Variants in DCC observed in about 807,000 individuals in gnomAD.
DCC encodes netrin receptor DCC.
A neutral mutation model predicts 172.5 loss-of-function variants in DCC; 58 were observed. The ratio of observed to expected loss-of-function variants is 0.34; its 90% confidence interval spans 0.27 to 0.42. The LOEUF (loss-of-function observed/expected upper bound fraction) is 0.42, where lower values mean the gene tolerates loss of function less well. Among genes scored for constraint, DCC ranks in the 10% least tolerant of loss-of-function variants. The pLI is 1.00. For synonymous variants in DCC, 709 were observed against 644.5 expected (o/e 1.10, Z -1.52); for missense variants, 1,740 against 1,791.0 (o/e 0.97, Z 0.51).
At chr18:52,646,335 C>A (rs1037276418) in intron 1 of DCC, among the ~76,000 whole-genome samples, 4 of 152,172 alleles carry the variant, frequency 2.6e-5, no homozygotes, top group African/African-American at 7.2e-5. Context: ...TCTCTACTCC[C>A]AACACAATGT....
intron 2 of DCC, among the ~76,000 whole-genome samples, chr18:52,838,587 G>T (rs1232825791): frequency 6.6e-6 from 1 of 152,032 alleles, no homozygotes; most frequent in Non-Finnish European, 1.5e-5. Flanking sequence ...AAATCATCAA[G>T]TAATAATAAG....
chr18:52,742,307 C>G (rs115889483), intron 1 of DCC, among the ~76,000 whole-genome samples: 1,847 of 152,338 alleles, frequency 0.012, 46 homozygotes, highest in African/African-American at 0.042. Flanking sequence ...CCAAATCCCA[C>G]AACTCCTTCC....
chr18:52,918,294 TAAC>T (rs1184238141), intron 3 of DCC, among the ~76,000 whole-genome samples: 6 of 152,174 alleles, frequency 3.9e-5, no homozygotes, highest in African/African-American at 1.4e-4. Context: ...GGTGCCCATA[TAAC>T]GAGAACACAA....
intron 1 of DCC, among the ~76,000 whole-genome samples, chr18:52,599,531 T>A (rs910155392): frequency 1.1e-4 from 17 of 151,952 alleles, no homozygotes; most frequent in Admixed American, 7.9e-4. Context: ...AATATATTAT[T>A]TTATTTTATT....
chr18:52,340,380 T>C lies in DCC; in HGVS notation c.-408T>C, dbSNP rs1983569338. On this transcript the variant is annotated 5_prime_UTR_variant, in exon 1 of 29. It removes an upstream start codon present in the reference 5' UTR. Transcript: ENST00000442544. ...CAAGGAACCAGCCTCAACCTTTTAA[T>C]GCACAGCCCGGCCACAGGATTGCCT... 4.0e-6 allele frequency: 1 copy of C among 251,834 alleles called. No individual in the cohort carries two copies. Among genetic ancestry groups the C allele is most frequent in the South Asian group, 5.7e-5 (1 of 17,478 alleles). The allele number at this position is 251,834 out of a possible 1,614,324, so 15.6% of individuals were successfully genotyped here.
intron 1 of DCC, among the ~76,000 whole-genome samples, chr18:52,548,457 T>A (rs1259924842): frequency 6.6e-6 from 1 of 152,056 alleles, no homozygotes; most frequent in South Asian, 2.1e-4. Context: ...GTGTGCTTGG[T>A]CACCCTAATT....
At chr18:52,366,366 A>AT (rs1162707661) in intron 1 of DCC, among the ~76,000 whole-genome samples, 1 of 152,132 alleles carries the variant, frequency 6.6e-6, no homozygotes, top group African/African-American at 2.4e-5. Context: ...AGGGGACCCG[A>AT]GCGGGTTGCC....
At chr18:52,897,606 G>A (rs968855712) in intron 2 of DCC, among the ~76,000 whole-genome samples, 3 of 152,132 alleles carry the variant, frequency 2.0e-5, no homozygotes, top group African/African-American at 7.2e-5. Flanking sequence ...CTTTTTAATA[G>A]TATCTGCCTA....
chr18:52,387,254 A>G (rs1340900366), intron 1 of DCC, among the ~76,000 whole-genome samples: 3 of 152,140 alleles, frequency 2.0e-5, no homozygotes, highest in Non-Finnish European at 4.4e-5. Flanking sequence ...CCTGTTTTCT[A>G]TGAGACTTAC....
At chr18:53,521,075 C>T (rs1477515051) in intron 27 of DCC, among the ~76,000 whole-genome samples, 3 of 151,912 alleles carry the variant, frequency 2.0e-5, no homozygotes, top group Non-Finnish European at 2.9e-5. Flanking sequence ...GCTCCAAGAG[C>T]CCTCGTGGTT....
At chr18:52,781,679 T>C (rs942773007) in intron 2 of DCC, among the ~76,000 whole-genome samples, 1 of 152,244 alleles carries the variant, frequency 6.6e-6, no homozygotes, top group African/African-American at 2.4e-5. Flanking sequence ...GGAAATTCAT[T>C]TTATTTATCT....
rs17747321 is a variant in DCC at position 52,340,413 on chromosome 18, C to G, written c.-375C>G. The G allele has an allele frequency of 0.013, 3,970 of 313,728 alleles. 60 individuals are homozygous for G. Among genetic ancestry groups the G allele is most frequent in the Non-Finnish European group, 0.019 (3,164 of 163,674 alleles). The allele number at this position is 313,728 out of a possible 1,614,324, so 19.4% of individuals were successfully genotyped here. A position where few individuals can be genotyped will look rare whatever the true frequency, so the allele number is the denominator to read the frequency against. On this transcript the variant is annotated 5_prime_UTR_variant, in exon 1 of 29. Transcript: ENST00000442544. Reference sequence around the variant, plus strand: ...CCGGCCACAGGATTGCCTTCCATCTCCTCTTGGTCCCTCCTGGATGTGGTT... The same window carrying G: ...CCGGCCACAGGATTGCCTTCCATCTGCTCTTGGTCCCTCCTGGATGTGGTT...
In DCC at chr18:52,977,482, T is replaced by C. The variant is rs937925840; in HGVS notation, c.985+52112T>C. 3.9e-5 allele frequency among the ~76,000 whole-genome samples: 6 copies of C among 152,292 alleles called. No homozygotes were observed. The East Asian group carries it at 1.2e-3, about 29-fold the overall frequency. ...TCTTCATTGATCTCAGTGTGTGAAT[T>C]CTTTGGTTTTCTGCCCAGATGTAAA... On this transcript the variant is annotated intron_variant, in intron 5 of 28. Coordinates refer to ENST00000442544, the MANE Select transcript of DCC (RefSeq NM_005215.4).
intron 1 of DCC, among the ~76,000 whole-genome samples, chr18:52,504,733 C>A (rs892591226): frequency 6.6e-6 from 1 of 152,032 alleles, no homozygotes; most frequent in Non-Finnish European, 1.5e-5. Flanking sequence ...CTGCTTCCCC[C>A]CTCAACTTCT....
rs561453597 is a variant in DCC, at chr18:53,187,205, C to T, written c.1573+8089C>T. ...TGGTGTGATCTCAGCTCACTGCAAC[C>T]TCCACGTCCTGAGTTCGTGTGATTC... On this transcript the variant is annotated intron_variant, in intron 9 of 28. Coordinates refer to ENST00000442544, the MANE Select transcript of DCC (RefSeq NM_005215.4). 4.6e-5 allele frequency among the ~76,000 whole-genome samples: 7 copies of T among 151,598 alleles called. No individual in the cohort carries two copies. In the East Asian group the frequency reaches 1.4e-3, roughly 29 times the overall value.
chr18:53,068,232 G>A (rs1235855926), intron 7 of DCC, among the ~76,000 whole-genome samples: 1 of 151,936 alleles, frequency 6.6e-6, no homozygotes, highest in African/African-American at 2.4e-5. Context: ...TAAAATCAGG[G>A]TCTCTAATGT....
intron 14 of DCC, among the ~76,000 whole-genome samples, chr18:53,329,247 A>T (rs2057504179): frequency 6.6e-6 from 1 of 152,130 alleles, no homozygotes; most frequent in African/African-American, 2.4e-5. Flanking sequence ...AAGCTTAAAA[A>T]CTTCCTACAA....
At chr18:53,085,752 T>C (rs1052401434) in intron 7 of DCC, among the ~76,000 whole-genome samples, 1 of 151,924 alleles carries the variant, frequency 6.6e-6, no homozygotes, top group Non-Finnish European at 1.5e-5. Context: ...ACTACACTTT[T>C]GTGATGCTGG....
chr18:52,439,048 C>T (rs1987887292), intron 1 of DCC, among the ~76,000 whole-genome samples: 1 of 151,818 alleles, frequency 6.6e-6, no homozygotes, highest in Non-Finnish European at 1.5e-5. Flanking sequence ...TTTTTTCTAC[C>T]AAGTGTGGGA....
Sources: allele counts gnomAD v4.1 joint callset (sites outside exome capture counted in the v4.1 genomes callset), GRCh38; gene constraint gnomAD v4.1.1; transcripts MANE v1.5; gene names NCBI Gene and HGNC (gene_info 2026-07-23, HGNC 2026-07-21).